CTNNA3: variants seen among roughly 807,000 people sequenced by gnomAD.
The protein encoded by CTNNA3 is catenin alpha 3.
In CTNNA3, 76 loss-of-function variants were observed where a neutral mutation model predicts 95.7. The observed-to-expected ratio is 0.79, with a 90% CI of 0.66 to 0.96. The LOEUF (loss-of-function observed/expected upper bound fraction) is 0.96. Among genes scored for constraint, CTNNA3 ranks in the 40% least tolerant of loss-of-function variants. CTNNA3 has a pLI of 0.00. For missense variants in CTNNA3, 1,191 were observed against 1,089.8 expected, an observed-to-expected ratio of 1.09 and a Z score of -1.31; for synonymous variants, 431 against 374.4, an observed-to-expected ratio of 1.15 and a Z score of -1.74.
chr10:67,570,656 G>C (rs781460217), intron 3 of CTNNA3, among the ~76,000 whole-genome samples: 1 of 152,168 alleles, frequency 6.6e-6, no homozygotes, highest in African/African-American at 2.4e-5. Flanking sequence ...ACTGAACTCA[G>C]CATCTTCTTC....
upstream of CTNNA3, among the ~76,000 whole-genome samples, chr10:67,700,070 G>C (rs944484531): frequency 1.3e-5 from 2 of 152,240 alleles, no homozygotes; most frequent in African/African-American, 4.8e-5. Context: ...GAGGCTGGGG[G>C]AGGGGCGCCC....
intron 7 of CTNNA3, among the ~76,000 whole-genome samples, chr10:66,841,715 T>C (rs1363997243): frequency 6.6e-6 from 1 of 152,182 alleles, no homozygotes; most frequent in Non-Finnish European, 1.5e-5. Flanking sequence ...AATAAAGCAT[T>C]TCAAATCAAT....
chr10:66,293,601 T>G (rs1361501556), intron 12 of CTNNA3, among the ~76,000 whole-genome samples: 1 of 152,044 alleles, frequency 6.6e-6, no homozygotes, highest in African/African-American at 2.4e-5. Flanking sequence ...GCCTTAAAAT[T>G]TCCTGTACAA....
At chr10:67,366,201 C>T (rs1843208729) in intron 5 of CTNNA3, among the ~76,000 whole-genome samples, 1 of 151,984 alleles carries the variant, frequency 6.6e-6, no homozygotes, top group East Asian at 1.9e-4. Context: ...CACACCAGGG[C>T]CTGTCGGGGG....
intron 10 of CTNNA3, among the ~76,000 whole-genome samples, chr10:66,526,417 G>A (rs370667128): frequency 6.6e-6 from 1 of 152,076 alleles, no homozygotes; most frequent in Non-Finnish European, 1.5e-5. Flanking sequence ...GAACTCCTGA[G>A]CTCAGGTGAT....
intron 11 of CTNNA3, among the ~76,000 whole-genome samples, chr10:66,420,806 T>C (rs2093185800): frequency 8.8e-6 from 1 of 113,816 alleles, no homozygotes; most frequent in African/African-American, 4.6e-5. Flanking sequence ...CTCAAATAAA[T>C]AAATAAATAA....
At chr10:66,220,450 C>G (rs2088860638) in intron 13 of CTNNA3, among the ~76,000 whole-genome samples, 1 of 152,008 alleles carries the variant, frequency 6.6e-6, no homozygotes, top group African/African-American at 2.4e-5. Context: ...TCTGTGTGGC[C>G]CCGTGGCAGA....
chr10:66,931,485 T>C (rs1166915748), intron 7 of CTNNA3, among the ~76,000 whole-genome samples: 1 of 152,176 alleles, frequency 6.6e-6, no homozygotes, highest in Non-Finnish European at 1.5e-5. Flanking sequence ...ATTTTTTACT[T>C]GATTTGGTGA....
At chr10:67,752,763 A>T (rs1198138702) in intron 1 of CTNNA3, among the ~76,000 whole-genome samples, 1 of 152,180 alleles carries the variant, frequency 6.6e-6, no homozygotes, top group Non-Finnish European at 1.5e-5. Flanking sequence ...ACAGCTAAAA[A>T]GGGATGTGAA....
intron 11 of CTNNA3, among the ~76,000 whole-genome samples, chr10:66,416,175 C>T (rs551184940): frequency 6.6e-6 from 1 of 152,040 alleles, no homozygotes; most frequent in South Asian, 2.1e-4. Context: ...TTACAAAATA[C>T]ATTTAAAAGC....
intron 9 of CTNNA3, among the ~76,000 whole-genome samples, chr10:66,627,175 G>C (rs913796521): frequency 9.9e-5 from 15 of 152,088 alleles, no homozygotes; most frequent in African/African-American, 3.6e-4. Context: ...TAGAGAAAAG[G>C]CTAAAAATTA....
chr10:67,424,899 C>T (rs540757543), intron 5 of CTNNA3, among the ~76,000 whole-genome samples: 1 of 152,182 alleles, frequency 6.6e-6, no homozygotes, highest in Admixed American at 6.6e-5. Context: ...AACTTTCCCA[C>T]TTCTTTTGAA....
chr10:65,978,629 C>A (rs922364102), intron 16 of CTNNA3, among the ~76,000 whole-genome samples: 1 of 152,090 alleles, frequency 6.6e-6, no homozygotes, highest in Non-Finnish European at 1.5e-5. Flanking sequence ...TTAGTCCATG[C>A]CATTTCAGCA....
chr10:67,367,887 G>C (rs976404245), intron 5 of CTNNA3, among the ~76,000 whole-genome samples: 8 of 152,144 alleles, frequency 5.3e-5, no homozygotes, highest in Admixed American at 3.3e-4. Context: ...CAACAAGAGT[G>C]CGGAAAAAGG....
chr10:67,700,250 C>A (rs929142035), upstream of CTNNA3, among the ~76,000 whole-genome samples: 3 of 152,224 alleles, frequency 2.0e-5, no homozygotes, highest in African/African-American at 7.2e-5. Context: ...GTGTACCTGT[C>A]TGACAGCTTT....
chr10:66,185,298 G>C (rs964925728), intron 13 of CTNNA3, among the ~76,000 whole-genome samples: 1 of 151,966 alleles, frequency 6.6e-6, no homozygotes, highest in Non-Finnish European at 1.5e-5. Flanking sequence ...CAGTAATCTA[G>C]AGCAATATTA....
chr10:66,293,603 C>T (rs1189052362), intron 12 of CTNNA3, among the ~76,000 whole-genome samples: 1 of 151,766 alleles, frequency 6.6e-6, no homozygotes, highest in African/African-American at 2.4e-5. Flanking sequence ...CTTAAAATTT[C>T]CTGTACAATG....
At chr10:65,929,195 G>A (rs1380946759) in intron 17 of CTNNA3, among the ~76,000 whole-genome samples, 1 of 152,112 alleles carries the variant, frequency 6.6e-6, no homozygotes, top group African/African-American at 2.4e-5. Context: ...TCCCTGCAAA[G>A]GACATGAACT....
intron 11 of CTNNA3, among the ~76,000 whole-genome samples, chr10:66,420,212 A>G (rs10997109): frequency 0.38 from 58,110 of 152,068 alleles, 11,670 homozygotes; most frequent in African/African-American, 0.5. Context: ...AGTAAGAAGT[A>G]GGCACAGAAC....
Sources: allele counts gnomAD v4.1 joint callset (sites outside exome capture counted in the v4.1 genomes callset), GRCh38; gene constraint gnomAD v4.1.1; transcripts MANE v1.5; gene names NCBI Gene and HGNC (gene_info 2026-07-23, HGNC 2026-07-21).